Variants in CDKAL1 observed in about 807,000 individuals in gnomAD.
CDKAL1 encodes the protein threonylcarbamoyladenosine tRNA methylthiotransferase.
CDKAL1 carries 32 observed loss-of-function variants against 68.2 expected under a neutral mutation model. The observed-to-expected ratio is 0.47, with a 90% CI of 0.35 to 0.63. CDKAL1 has a LOEUF of 0.63. Among genes scored for constraint, CDKAL1 ranks in the 30% least tolerant of loss-of-function variants. The pLI, the probability that CDKAL1 is intolerant of heterozygous loss-of-function variation, is 0.00. For synonymous variants in CDKAL1, 234 were observed against 244.3 expected, an observed-to-expected ratio of 0.96 and a Z score of 0.39; for missense variants, 606 against 696.7, an observed-to-expected ratio of 0.87 and a Z score of 1.47.
At chr6:21,218,274 CCT>C (rs1468919477) in intron 15 of CDKAL1, among the ~76,000 whole-genome samples, 12 of 152,324 alleles carry the variant, frequency 7.9e-5, no homozygotes, top group African/African-American at 2.4e-4. Flanking sequence ...GTCTTCAATG[CCT>C]CTGTTATGAA....
chr6:20,878,672 G>A (rs1381934298), intron 9 of CDKAL1, among the ~76,000 whole-genome samples: 1 of 151,926 alleles, frequency 6.6e-6, no homozygotes. Context: ...GTGGGCGGAG[G>A]TTGCAGTGAG....
intron 13 of CDKAL1, among the ~76,000 whole-genome samples, chr6:21,125,120 C>A (rs937824676): frequency 6.6e-6 from 1 of 152,114 alleles, no homozygotes. Flanking sequence ...GAATTATAAT[C>A]CACATAACCC....
At chr6:21,077,521 C>T (rs528706281) in intron 12 of CDKAL1, among the ~76,000 whole-genome samples, 1 of 152,330 alleles carries the variant, frequency 6.6e-6, no homozygotes, top group Non-Finnish European at 1.5e-5. Flanking sequence ...GCAGGCTTTA[C>T]AGGCTTCTGC....
intron 2 of CDKAL1, among the ~76,000 whole-genome samples, chr6:20,536,581 C>T (rs1232719528): frequency 6.6e-6 from 1 of 151,962 alleles, no homozygotes; most frequent in African/African-American, 2.4e-5. Flanking sequence ...AAGAATAATT[C>T]TGGGACAGTG....
intron 11 of CDKAL1, among the ~76,000 whole-genome samples, chr6:21,028,375 T>C (rs777647604): frequency 3.9e-5 from 6 of 152,164 alleles, no homozygotes; most frequent in Non-Finnish European, 8.8e-5. Context: ...TGCCATAGTC[T>C]GAGTGGCTTA....
chr6:21,197,982 C>A, intron 13 of CDKAL1, 39 bp from the exon 14 acceptor site: 1 of 1,332,394 alleles, frequency 7.5e-7, no homozygotes, highest in Non-Finnish European at 1.1e-6. Flanking sequence ...AGGTGTTTAC[C>A]CTTATCTTTC....
chr6:20,580,851 G>A (rs1181125658), intron 4 of CDKAL1, among the ~76,000 whole-genome samples: 7 of 151,776 alleles, frequency 4.6e-5, no homozygotes, highest in Non-Finnish European at 1.0e-4. Context: ...GTGCAATGGT[G>A]CGATCTCGGC....
Position 20,955,420 on chromosome 6 carries a change from G to A in CDKAL1, c.744G>A (p.Glu248=). ...LVDRAKQSFQ[E]GVCEIWLTSE... is the part of the protein sequence containing the mutation. Reference sequence around the variant, plus strand: ...TTAATTATCTCTTTTGATTCACAGAGGGTGTTTGTGAGATATGGTTGACCA... The same window carrying A: ...TTAATTATCTCTTTTGATTCACAGAAGGTGTTTGTGAGATATGGTTGACCA... Residue 248 remains glutamate, a splice_region_variant and synonymous_variant, in exon 10 of 16, where the codon GAG becomes GAA. Transcript: ENST00000274695. 1.2e-6 allele frequency: 2 copies of A among 1,613,998 alleles called. No homozygotes were observed. Among genetic ancestry groups the A allele is most frequent in the Non-Finnish European group, 1.7e-6 (2 of 1,179,922 alleles).
chr6:21,212,034 TA>T (rs1188540761), intron 15 of CDKAL1, among the ~76,000 whole-genome samples: 1 of 152,190 alleles, frequency 6.6e-6, no homozygotes, highest in Non-Finnish European at 1.5e-5. Flanking sequence ...GTGCTGGGAT[TA>T]CAGGTGTGAG....
intron 11 of CDKAL1, among the ~76,000 whole-genome samples, chr6:21,009,667 A>T (rs999877655): frequency 2.6e-5 from 4 of 152,240 alleles, no homozygotes; most frequent in Non-Finnish European, 5.9e-5. Flanking sequence ...ATTCAACCAT[A>T]AAAAGAGTGA....
At chr6:21,161,252 T>C (rs1776913763) in intron 13 of CDKAL1, among the ~76,000 whole-genome samples, 1 of 152,126 alleles carries the variant, frequency 6.6e-6, no homozygotes, top group Non-Finnish European at 1.5e-5. Flanking sequence ...AACGATATCG[T>C]ATGAGATTGA....
intron 11 of CDKAL1, among the ~76,000 whole-genome samples, chr6:21,017,259 T>G (rs1768395522): frequency 6.7e-6 from 1 of 150,126 alleles, no homozygotes; most frequent in African/African-American, 2.5e-5. Flanking sequence ...ATTAAATCTT[T>G]GTTGAATGAA....
intron 9 of CDKAL1, 37 bp from the exon 10 acceptor site, chr6:20,955,382 T>C (rs1182872650): frequency 6.2e-7 from 1 of 1,606,666 alleles, no homozygotes; most frequent in Admixed American, 1.7e-5. Context: ...GAAACAGCTC[T>C]GCCACAGATT....
intron 5 of CDKAL1, among the ~76,000 whole-genome samples, chr6:20,686,228 C>G (rs1020760358): frequency 6.6e-6 from 1 of 152,074 alleles, no homozygotes; most frequent in Non-Finnish European, 1.5e-5. Context: ...GACAGGGTCC[C>G]CAACCCCTGG....
chr6:20,820,311 A>C (rs1011887996), intron 8 of CDKAL1, among the ~76,000 whole-genome samples: 1 of 152,132 alleles, frequency 6.6e-6, no homozygotes, highest in Non-Finnish European at 1.5e-5. Context: ...TGCTCTAATG[A>C]TAGTAAACAC....
At chr6:20,741,510 A>G (rs9350277) in intron 6 of CDKAL1, among the ~76,000 whole-genome samples, 49 of 151,940 alleles carry the variant, frequency 3.2e-4, no homozygotes, top group Non-Finnish European at 5.0e-4. Flanking sequence ...GTTACCGCCA[A>G]TGTGTCCATG....
In CDKAL1 at chr6:21,040,028, G is replaced by A. The variant is rs1263169426; in HGVS notation, c.1056-25020G>A. On this transcript the variant is annotated intron_variant, in intron 11 of 15. Transcript: ENST00000274695. The stretch of plus-strand genomic sequence containing the variant: ...ACTTTATTTTTAGTACTGACCTTTC[G>A]TAATGTGAGCCTTGATCCATTGAGA... 3.3e-5 allele frequency among the ~76,000 whole-genome samples: 5 copies of A among 152,096 alleles called. No homozygotes were observed. The East Asian group carries it at 5.8e-4, about 18-fold the overall frequency.
intron 5 of CDKAL1, among the ~76,000 whole-genome samples, chr6:20,677,703 C>G (rs1018004387): frequency 6.6e-6 from 1 of 152,006 alleles, no homozygotes; most frequent in African/African-American, 2.4e-5. Context: ...GGTGTGAGCC[C>G]CCATGCATGG....
At chr6:21,055,854 T>C (rs1307722756) in intron 11 of CDKAL1, among the ~76,000 whole-genome samples, 6 of 152,174 alleles carry the variant, frequency 3.9e-5, no homozygotes, top group Non-Finnish European at 5.9e-5. Context: ...ATCTTTATAA[T>C]AGGATCATTT....
Sources: gnomAD v4.1 joint callset for allele counts (sites outside exome capture counted in the v4.1 genomes callset) on GRCh38, gnomAD v4.1.1 for gene constraint, MANE v1.5 for transcripts, NCBI Gene and HGNC (gene_info 2026-07-23, HGNC 2026-07-21) for gene names.